The following PCDH15 variants were observed in gnomAD, a reference collection of about 807,000 sequenced individuals.
The protein encoded by PCDH15 is protocadherin-15.
A neutral mutation model predicts 178.5 loss-of-function variants in PCDH15; 129 were observed. The observed-to-expected ratio is 0.72, with a 90% CI of 0.63 to 0.84. The LOEUF (loss-of-function observed/expected upper bound fraction) is 0.84. Ranked by LOEUF, PCDH15 falls within the 40% of genes least tolerant of loss-of-function variation. The pLI, the probability that PCDH15 is intolerant of heterozygous loss-of-function variation, is 0.00. For synonymous variants in PCDH15, 800 were observed against 732.0 expected (o/e 1.09, Z -1.50); for missense variants, 2,230 against 2,099.9 (o/e 1.06, Z -1.21).
At chr10:54,915,375 C>T (rs1954883686) in intron 2 of PCDH15, among the ~76,000 whole-genome samples, 1 of 152,088 alleles carries the variant, frequency 6.6e-6, no homozygotes, top group Non-Finnish European at 1.5e-5. Context: ...GAAAAAAATC[C>T]TCAAAATTAT....
At chr10:55,436,806 A>C (rs1839050910) in intron 2 of PCDH15, among the ~76,000 whole-genome samples, 1 of 152,188 alleles carries the variant, frequency 6.6e-6, no homozygotes, top group Admixed American at 6.5e-5. Context: ...GGTAACTATG[A>C]AGATAGGTGG....
At chr10:55,377,701 C>A (rs1224704404) in intron 2 of PCDH15, among the ~76,000 whole-genome samples, 1 of 152,016 alleles carries the variant, frequency 6.6e-6, no homozygotes, top group African/African-American at 2.4e-5. Flanking sequence ...TATATATATT[C>A]TTTTATGCTT....
intron 2 of PCDH15, among the ~76,000 whole-genome samples, chr10:55,536,036 G>A (rs2132068995): frequency 6.6e-6 from 1 of 152,054 alleles, no homozygotes; most frequent in Non-Finnish European, 1.5e-5. Context: ...AAGCAACTAT[G>A]AGTTCATCAA....
intron 2 of PCDH15, among the ~76,000 whole-genome samples, chr10:55,488,057 A>G (rs576462168): frequency 3.8e-4 from 58 of 151,688 alleles, no homozygotes; most frequent in Non-Finnish European, 6.4e-4. Context: ...TATGGTGGCT[A>G]ATATCAAGGT....
At chr10:54,972,756 G>C (rs1011471000) in intron 2 of PCDH15, among the ~76,000 whole-genome samples, 1 of 150,472 alleles carries the variant, frequency 6.6e-6, no homozygotes, top group Admixed American at 6.6e-5. Context: ...GGCTGAGGCA[G>C]GAGAATCACT....
intron 20 of PCDH15, among the ~76,000 whole-genome samples, chr10:53,999,734 C>T (rs1347141914): frequency 6.6e-6 from 1 of 152,168 alleles, no homozygotes; most frequent in Non-Finnish European, 1.5e-5. Flanking sequence ...TTTTGACTTC[C>T]AGACGGTAAC....
intron 1 of PCDH15, among the ~76,000 whole-genome samples, chr10:54,774,201 T>C (rs973274759): frequency 1.3e-5 from 2 of 151,836 alleles, no homozygotes; most frequent in South Asian, 4.2e-4. Flanking sequence ...GCTAATTTTT[T>C]GTATTTTTAG....
intron 2 of PCDH15, among the ~76,000 whole-genome samples, chr10:55,370,531 T>C (rs1428624302): frequency 6.6e-6 from 1 of 152,116 alleles, no homozygotes; most frequent in Admixed American, 6.6e-5. Context: ...TGCAACCAAC[T>C]GTTCTTCTGG....
intron 8 of PCDH15, among the ~76,000 whole-genome samples, chr10:54,315,663 T>G (rs896953616): frequency 6.6e-6 from 1 of 151,996 alleles, no homozygotes; most frequent in South Asian, 2.1e-4. Context: ...TAGTTTGGAG[T>G]TTTACATTTA....
chr10:54,520,626 C>T (rs2082749431), intron 3 of PCDH15, among the ~76,000 whole-genome samples: 1 of 151,918 alleles, frequency 6.6e-6, no homozygotes. Flanking sequence ...GGACTGTCAA[C>T]TAGTTCAACC....
chr10:54,084,409 GT>G (rs983236278), intron 16 of PCDH15, among the ~76,000 whole-genome samples: 15 of 151,722 alleles, frequency 9.9e-5, no homozygotes, highest in Non-Finnish European at 1.9e-4. Flanking sequence ...GGAGGCGGAG[GT>G]TGCAGTAAGC....
At chr10:54,110,346 G>C (rs1590514846) in intron 15 of PCDH15, among the ~76,000 whole-genome samples, 1 of 150,592 alleles carries the variant, frequency 6.6e-6, no homozygotes, top group African/African-American at 2.4e-5. Context: ...TAGAGTAAAT[G>C]GTATGGGATC....
chr10:54,419,243 TAC>T (rs146831797), intron 3 of PCDH15, among the ~76,000 whole-genome samples: 72 of 150,648 alleles, frequency 4.8e-4, no homozygotes, highest in African/African-American at 1.6e-3. Flanking sequence ...CATATATACA[TAC>T]ACACACACAC....
intron 1 of PCDH15, among the ~76,000 whole-genome samples, chr10:54,748,098 G>A (rs1945717362): frequency 6.6e-6 from 1 of 151,992 alleles, no homozygotes; most frequent in East Asian, 1.9e-4. Flanking sequence ...GAGCCACCGC[G>A]CCCGACCACT....
At chr10:53,978,050 C>T (rs2134555990) in intron 21 of PCDH15, among the ~76,000 whole-genome samples, 1 of 152,266 alleles carries the variant, frequency 6.6e-6, no homozygotes, top group East Asian at 1.9e-4. Context: ...TGTAGCTTTT[C>T]CAGGCACACA....
chr10:54,206,884 G>C (rs1444734997), intron 10 of PCDH15, among the ~76,000 whole-genome samples: 1 of 152,064 alleles, frequency 6.6e-6, no homozygotes, highest in Non-Finnish European at 1.5e-5. Flanking sequence ...TGTGTGTGGG[G>C]ATTGCAGAGT....
intron 23 of PCDH15, among the ~76,000 whole-genome samples, chr10:53,954,292 G>A (rs1247914343): frequency 6.6e-6 from 1 of 152,102 alleles, no homozygotes; most frequent in Non-Finnish European, 1.5e-5. Flanking sequence ...TTTATTACTT[G>A]TGTCTATTAT....
At chr10:53,959,703 G>C (rs753428044) in intron 23 of PCDH15, 29 bp downstream of exon 23, 1 of 1,523,042 alleles carries the variant, frequency 6.6e-7, no homozygotes, top group Non-Finnish European at 9.1e-7. Flanking sequence ...AACATTTCGT[G>C]TATTTCAAAA....
chr10:55,040,516 AC>A (rs1840840782), intron 2 of PCDH15, among the ~76,000 whole-genome samples: 1 of 151,992 alleles, frequency 6.6e-6, no homozygotes, highest in African/African-American at 2.4e-5. Context: ...AACAACAACA[AC>A]AACAACAAAA....
Sources: allele counts gnomAD v4.1 joint callset (sites outside exome capture counted in the v4.1 genomes callset), GRCh38; gene constraint gnomAD v4.1.1; transcripts MANE v1.5; gene names NCBI Gene and HGNC (gene_info 2026-07-23, HGNC 2026-07-21).